MYEF2: variants seen among roughly 807,000 people sequenced by gnomAD.
The protein encoded by MYEF2 is myelin gene expression factor 2.
MYEF2 carries 37 observed loss-of-function variants against 75.2 expected under a neutral mutation model. The ratio of observed to expected loss-of-function variants is 0.49; its 90% CI spans 0.38 to 0.65. MYEF2 has a LOEUF of 0.65. Among genes scored for constraint, MYEF2 ranks in the 30% least tolerant of loss-of-function variants. The pLI, the probability that MYEF2 is intolerant of heterozygous loss-of-function variation, is 0.00. For synonymous variants in MYEF2, 195 were observed against 241.6 expected, an observed-to-expected ratio of 0.81 and a Z score of 1.79; for missense variants, 634 against 771.4, an observed-to-expected ratio of 0.82 and a Z score of 2.11.
At chr15:48,172,816 A>G (rs532776483) in intron 1 of MYEF2, among the ~76,000 whole-genome samples, 1 of 152,306 alleles carries the variant, frequency 6.6e-6, no homozygotes, top group South Asian at 2.1e-4. Flanking sequence ...AGGCTGAATC[A>G]TGAAAAATTA....
Position 48,159,713 on chromosome 15 carries a change from A to C in MYEF2, c.617T>G (p.Met206Arg). The C allele has an allele frequency of 6.2e-7, 1 of 1,613,714 alleles. No individual in the cohort carries two copies. Among genetic ancestry groups the C allele is most frequent in the Admixed American group, 1.7e-5 (1 of 59,952 alleles). The change falls in exon 6 of 17, where the codon ATG becomes AGG. Residue 206 changes from methionine (M) to arginine (R), a missense_variant. By Grantham distance (91) the Met-to-Arg change is moderately conservative (BLOSUM62 -1). Transcript: ENST00000324324. Reference sequence around the variant, plus strand: ...ATTGAGTATGGAAGGTGGTAAATTCATCAACCCTGATCCCATATCAGGGAC... The same window carrying C: ...ATTGAGTATGGAAGGTGGTAAATTCCTCAACCCTGATCCCATATCAGGGAC... Reference protein sequence around the residue: ...GHVPDMGSGLMNLPPSILNNP... With the variant: ...GHVPDMGSGLRNLPPSILNNP...
chr15:48,150,387 G>C (rs1277989261), intron 14 of MYEF2, among the ~76,000 whole-genome samples: 1 of 152,032 alleles, frequency 6.6e-6, no homozygotes, highest in African/African-American at 2.4e-5. Flanking sequence ...TTTTAGAATA[G>C]TTTAAATAGG....
Position 48,139,258 on chromosome 15 carries a change from T to C in MYEF2, c.*3650A>G. On this transcript the variant is annotated 3_prime_UTR_variant, in exon 17 of 17. Coordinates refer to ENST00000324324, the MANE Select transcript of MYEF2 (RefSeq NM_016132.5). ...ATATGTTCACTCAAAGTAGTCTAGC[T>C]ACACAGCAAATTTCTTTTCAGCAAG... The C allele has an allele frequency of 8.7e-7, 1 of 1,151,432 alleles. No homozygotes were observed. Among genetic ancestry groups the C allele is most frequent in the Non-Finnish European group, 1.3e-6 (1 of 797,266 alleles). 71.3% of individuals were successfully genotyped at this position (1,151,432 alleles called of 1,614,324 possible).
At chr15:48,174,028 G>C (rs1331411015) in intron 1 of MYEF2, among the ~76,000 whole-genome samples, 1 of 151,902 alleles carries the variant, frequency 6.6e-6, no homozygotes, top group Non-Finnish European at 1.5e-5. Context: ...GATCTCAAAT[G>C]GCTAAAGCAA....
At chr15:48,151,056 C>A in intron 14 of MYEF2, 44 bp downstream of exon 14, 1 of 1,370,588 alleles carries the variant, frequency 7.3e-7, no homozygotes, top group South Asian at 1.2e-5. Flanking sequence ...TCTTTGCAAG[C>A]ACTCAAATAT....
At chr15:48,177,959 G>A (rs1057302377) in intron 1 of MYEF2, 118 bp downstream of exon 1, 4 of 1,345,844 alleles carry the variant, frequency 3.0e-6, no homozygotes, top group Middle Eastern at 2.6e-4. Flanking sequence ...CCGATGGCCC[G>A]GGGGCGGGCC....
chr15:48,145,586 A>G (rs549291595), intron 16 of MYEF2, among the ~76,000 whole-genome samples: 1 of 152,050 alleles, frequency 6.6e-6, no homozygotes, highest in South Asian at 2.1e-4. Flanking sequence ...CCACAGTAAA[A>G]GAAACCTTTC....
intron 6 of MYEF2, 107 bp downstream of exon 6, chr15:48,159,506 A>T: frequency 2.2e-6 from 2 of 923,562 alleles, no homozygotes; most frequent in South Asian, 1.7e-5. Context: ...TATTTCACTT[A>T]CTTTAGTTAA....
In MYEF2 at chr15:48,159,764, G is replaced by A; in HGVS notation, c.566C>T (p.Thr189Ile). ...GENARRALQRTGGSFPGGHVP... is the reference protein window; with the variant it reads ...GENARRALQRIGGSFPGGHVP... ...GTGTCCTCCTGGAAATGATCCTCCT[G>A]TTCGCTGCAATGCCCTACGAGCATT... The change falls in exon 6 of 17, where the codon ACA (threonine) becomes ATA (isoleucine). Residue 189 changes from threonine (T) to isoleucine (I), a missense_variant. Coordinates refer to ENST00000324324, the MANE Select transcript of MYEF2 (RefSeq NM_016132.5). 1 of 1,613,418 alleles carries A rather than the reference G, an allele frequency of 6.2e-7. No individual in the cohort carries two copies. Among genetic ancestry groups the A allele is most frequent in the East Asian group, 2.2e-5 (1 of 44,846 alleles).
chr15:48,166,320 T>C (rs1255396473), intron 3 of MYEF2, among the ~76,000 whole-genome samples, 192 bp from the exon 4 acceptor site: 2 of 151,922 alleles, frequency 1.3e-5, no homozygotes, highest in Non-Finnish European at 2.9e-5. Context: ...TAAATATATC[T>C]ATTAAAGATA....
intron 5 of MYEF2, chr15:48,162,956 T>C (rs1357230972): frequency 1.3e-5 from 2 of 152,130 alleles, no homozygotes; most frequent in Non-Finnish European, 2.9e-5. Flanking sequence ...GGCTTCTAAG[T>C]GTTCAAGTAA....
Position 48,139,335 on chromosome 15 carries a change from C to A in MYEF2, c.*3573G>T. 1.8e-6 allele frequency: 1 copy of A among 568,246 alleles called. No individual in the cohort carries two copies. Among genetic ancestry groups the A allele is most frequent in the Non-Finnish European group, 3.1e-6 (1 of 324,890 alleles). The allele number at this position is 568,246 out of a possible 1,614,324, so 35.2% of individuals were successfully genotyped here. On this transcript the variant is annotated 3_prime_UTR_variant, in exon 17 of 17. Coordinates refer to ENST00000324324, the MANE Select transcript of MYEF2 (RefSeq NM_016132.5). The stretch of plus-strand genomic sequence containing the variant: ...TGATTAAGTATTACTATAACAAGAT[C>A]ACTGGAGTTTGTGAGTTGCATATTA...
Position 48,141,093 on chromosome 15 carries a change from G to A in MYEF2, c.*1815C>T. The A allele has an allele frequency of 6.3e-7, 1 of 1,578,366 alleles. No individual in the cohort carries two copies. Among genetic ancestry groups the A allele is most frequent in the Non-Finnish European group, 8.7e-7 (1 of 1,151,000 alleles). On this transcript the variant is annotated 3_prime_UTR_variant, in exon 17 of 17. Transcript: ENST00000324324. ...AGTGAATCTTTAAGATTTGTAACTT[G>A]AAATATCTGTTTATTACAGGGGAAA...
chr15:48,140,284 C>T lies in MYEF2; in HGVS notation c.*2624G>A, dbSNP rs2039022975. On this transcript the variant is annotated 3_prime_UTR_variant, in exon 17 of 17. Coordinates refer to ENST00000324324, the MANE Select transcript of MYEF2 (RefSeq NM_016132.5). ...ATATGAATTCTAGCAAAGCCAGTAA[C>T]AGAAATTAACAACCAATTCCAATTC... is the stretch of plus-strand genomic sequence containing the variant. 6.6e-6 allele frequency: 1 copy of T among 151,344 alleles called. No homozygotes were observed. The highest frequency in any genetic ancestry group is 6.6e-5 in the Admixed American group (1 of 15,182). The allele number at this position is 151,344 out of a possible 1,614,324, so 9.4% of individuals were successfully genotyped here. A position where few individuals can be genotyped will look rare whatever the true frequency, so the allele number is the denominator to read the frequency against.
At chr15:48,143,200 TA>T in intron 16 of MYEF2, 129 bp from the exon 17 acceptor site, 1 of 488,804 alleles carries the variant, frequency 2.0e-6, no homozygotes, top group East Asian at 3.8e-5. Context: ...TTAAAATAAA[TA>T]ATATAAGCAT....
Position 48,151,131 on chromosome 15 carries a change from A to G in MYEF2, c.1347T>C (p.Ser449=). The part of the protein sequence containing the change: ...MIGGFAGRIG[S]SNMGPVGSGI... ...CAGATCCTACTGGACCCATGTTAGA[A>G]GATCCTATTCTTCCTGCAAACCCTC... Residue 449 remains serine, a synonymous_variant, in exon 14 of 17, where the codon TCT becomes TCC. Transcript: ENST00000324324. 6.2e-7 allele frequency: 1 copy of G among 1,611,072 alleles called. No homozygotes were observed. Among genetic ancestry groups the G allele is most frequent in the Non-Finnish European group, 8.5e-7 (1 of 1,178,184 alleles).
At chr15:48,171,906 T>C (rs1453339712) in intron 1 of MYEF2, among the ~76,000 whole-genome samples, 1 of 152,218 alleles carries the variant, frequency 6.6e-6, no homozygotes, top group African/African-American at 2.4e-5. Flanking sequence ...ATGTTATCTA[T>C]TCTTAAAATT....
rs758505894 is a variant in MYEF2 at position 48,149,222 on chromosome 15, T to C, written c.1528A>G (p.Met510Val). The change falls in exon 15 of 17, where the codon ATG (methionine) becomes GTG (valine). Residue 510 changes from methionine (M) to valine (V), a missense_variant. Physicochemically the swap from Met to Val is conservative, Grantham distance 21 (BLOSUM62 1). Coordinates refer to ENST00000324324, the MANE Select transcript of MYEF2 (RefSeq NM_016132.5). This position sits in a 1 kb window ranked among gnomAD's most constrained non-coding sequence, Gnocchi z 4.0. ...DMDRGFLSGP[M>V]GSGMRERIGS... The stretch of plus-strand genomic sequence containing the variant: ...ATTCTCTCTCTCATTCCGCTTCCCA[T>C]TGGACCCGATAAAAATCCTCGATCC... 75 of 1,613,384 alleles carry C rather than the reference T, an allele frequency of 4.6e-5. No individual in the cohort carries two copies. Among genetic ancestry groups the C allele is most frequent in the Non-Finnish European group, 5.7e-5 (67 of 1,179,568 alleles).
chr15:48,152,115 CCTTT>C (rs1354441826), intron 11 of MYEF2, 115 bp downstream of exon 11: 1 of 1,202,578 alleles, frequency 8.3e-7, no homozygotes, highest in Non-Finnish European at 1.2e-6. Flanking sequence ...CTGCTAGCAG[CCTTT>C]AGAACATGAG....
Sources: gnomAD v4.1 joint callset for allele counts (sites outside exome capture counted in the v4.1 genomes callset) on GRCh38, gnomAD v4.1.1 for gene constraint, Gnocchi (gnomAD v3.1) non-coding constraint, MANE v1.5 for transcripts, NCBI Gene and HGNC (gene_info 2026-07-23, HGNC 2026-07-21) for gene names.